The following SAMD5 variants were observed in gnomAD, a reference collection of about 807,000 sequenced individuals.
The protein encoded by SAMD5 is sterile alpha motif domain-containing protein 5.
In SAMD5, 13 loss-of-function variants were observed where a neutral mutation model predicts 11.3. The observed-to-expected ratio is 1.15, with a 90% confidence interval of 0.75 to 1.83. SAMD5 has a LOEUF of 1.83. Ranked by LOEUF, SAMD5 falls within the 40% of genes most tolerant of loss-of-function variation. The pLI, the probability that SAMD5 is intolerant of heterozygous loss-of-function variation, is 0.00. For synonymous variants in SAMD5, 129 were observed against 111.3 expected (o/e 1.16, Z -1.00); for missense variants, 255 against 239.1 (o/e 1.07, Z -0.44).
chr6:147,883,304 G>C, the SAMD5 span, among the ~76,000 whole-genome samples: 1 of 152,164 alleles, frequency 6.6e-6, no homozygotes, highest in Admixed American at 6.5e-5. Flanking sequence ...CTAAGGATTA[G>C]TGTGCCATTT....
the SAMD5 span, among the ~76,000 whole-genome samples, chr6:147,857,344 A>G: frequency 6.7e-6 from 1 of 149,500 alleles, no homozygotes; most frequent in Admixed American, 6.6e-5. Context: ...TCTGTACCAA[A>G]AAAAAAAAAA....
At chr6:147,946,136 C>T in the SAMD5 span, among the ~76,000 whole-genome samples, 1 of 152,178 alleles carries the variant, frequency 6.6e-6, no homozygotes, top group African/African-American at 2.4e-5. Flanking sequence ...ATATGTCACA[C>T]CCTTCTCTCC....
the SAMD5 span, among the ~76,000 whole-genome samples, chr6:147,902,381 G>A: frequency 1.3e-5 from 2 of 151,160 alleles, no homozygotes; most frequent in East Asian, 2.0e-4. Flanking sequence ...TCTTTGTTCC[G>A]CATCTTCTTA....
chr6:147,573,506 A>G (rs1255053355), downstream of SAMD5, among the ~76,000 whole-genome samples: 2 of 152,188 alleles, frequency 1.3e-5, no homozygotes, highest in Admixed American at 6.5e-5. Flanking sequence ...CCCTTGACAC[A>G]TGGGAATTAT....
At chr6:147,943,445 C>T in the SAMD5 span, among the ~76,000 whole-genome samples, 450 of 152,168 alleles carry the variant, frequency 3.0e-3, 4 homozygotes, top group African/African-American at 0.011. Context: ...GAAAGTCCCC[C>T]AATCCCCAAA....
chr6:147,952,661 C>G, the SAMD5 span, among the ~76,000 whole-genome samples: 1 of 152,134 alleles, frequency 6.6e-6, no homozygotes, highest in Admixed American at 6.5e-5. Flanking sequence ...CAGGCATGCA[C>G]CACCACACCC....
chr6:147,624,747 T>C (rs895416782), intron 1 of SAMD5, among the ~76,000 whole-genome samples: 3 of 152,028 alleles, frequency 2.0e-5, no homozygotes, highest in Non-Finnish European at 2.9e-5. Context: ...GGGTGAGGGA[T>C]AAAAGACTAC....
chr6:147,766,328 C>T, the SAMD5 span, among the ~76,000 whole-genome samples: 1 of 151,614 alleles, frequency 6.6e-6, no homozygotes, highest in Non-Finnish European at 1.5e-5. Context: ...ACACAACAAC[C>T]CAAATTAAAT....
the SAMD5 span, among the ~76,000 whole-genome samples, chr6:147,916,195 T>G: frequency 1.3e-5 from 2 of 152,118 alleles, no homozygotes; most frequent in African/African-American, 4.8e-5. Flanking sequence ...CTATTGTGAA[T>G]AGTGCCGCAA....
intron 1 of SAMD5, among the ~76,000 whole-genome samples, chr6:147,601,871 A>G (rs1166690666): frequency 6.6e-6 from 1 of 152,138 alleles, no homozygotes; most frequent in Non-Finnish European, 1.5e-5. Flanking sequence ...GCCAGAAGGA[A>G]TGGGTGCTAG....
At chr6:147,936,358 G>C in the SAMD5 span, among the ~76,000 whole-genome samples, 1 of 151,856 alleles carries the variant, frequency 6.6e-6, no homozygotes, top group Non-Finnish European at 1.5e-5. Flanking sequence ...TCTGCTTCTG[G>C]GGAGGCCTCA....
chr6:147,838,484 T>A, the SAMD5 span, among the ~76,000 whole-genome samples: 2 of 151,252 alleles, frequency 1.3e-5, no homozygotes, highest in South Asian at 4.2e-4. Context: ...TATATATAAA[T>A]GTCCACATAA....
intron 1 of SAMD5, among the ~76,000 whole-genome samples, chr6:147,712,982 T>G (rs1791420673): frequency 6.6e-6 from 1 of 152,204 alleles, no homozygotes. Context: ...CAAAGCATTT[T>G]TTTCTCAAAG....
the SAMD5 span, among the ~76,000 whole-genome samples, chr6:147,814,337 T>A: frequency 6.6e-6 from 1 of 152,332 alleles, no homozygotes; most frequent in Non-Finnish European, 1.5e-5. Flanking sequence ...ATGCAATCGA[T>A]GTTTCCCTTT....
At chr6:147,616,224 TTTA>T (rs1562334325) in intron 1 of SAMD5, among the ~76,000 whole-genome samples, 2,697 of 109,978 alleles carry the variant, frequency 0.025, 227 homozygotes, top group African/African-American at 0.15. Flanking sequence ...TTCATATATA[TTTA>T]TTCATATATA....
At chr6:147,879,182 G>A in the SAMD5 span, among the ~76,000 whole-genome samples, 43 of 152,200 alleles carry the variant, frequency 2.8e-4, no homozygotes, top group Middle Eastern at 3.2e-3. Flanking sequence ...TACCTCATAT[G>A]CATTGCTCTG....
At chr6:147,855,653 T>G in the SAMD5 span, among the ~76,000 whole-genome samples, 1 of 152,088 alleles carries the variant, frequency 6.6e-6, no homozygotes, top group Admixed American at 6.6e-5. Flanking sequence ...TTTGTTTGGG[T>G]TCACGTGGCT....
chr6:147,945,875 T>C, the SAMD5 span, among the ~76,000 whole-genome samples: 1 of 152,216 alleles, frequency 6.6e-6, no homozygotes, highest in Non-Finnish European at 1.5e-5. Context: ...ACAGCTGTTG[T>C]TGTAGCTTGT....
chr6:147,811,269 AG>A, the SAMD5 span, among the ~76,000 whole-genome samples: 2 of 152,224 alleles, frequency 1.3e-5, no homozygotes, highest in African/African-American at 4.8e-5. Context: ...ATCTGGTAAC[AG>A]GAAACCCATT....
Sources: allele counts gnomAD v4.1 joint callset (sites outside exome capture counted in the v4.1 genomes callset), GRCh38; gene constraint gnomAD v4.1.1; transcripts MANE v1.5; gene names NCBI Gene and HGNC (gene_info 2026-07-23, HGNC 2026-07-21).